C7orf78: variants seen among roughly 807,000 people sequenced by gnomAD.
The protein encoded by C7orf78 is putative uncharacterized protein C7orf78.
the C7orf78 span, among the ~76,000 whole-genome samples, chr7:12,499,235 T>C: frequency 6.6e-6 from 1 of 151,268 alleles, no homozygotes; most frequent in Admixed American, 6.6e-5. Flanking sequence ...CACATAACAC[T>C]ATTAACTTTA....
At chr7:12,522,904 G>A in the C7orf78 span, 1 of 397,286 alleles carries the variant, frequency 2.5e-6, no homozygotes. Context: ...AACTTGTCCT[G>A]GAGAGAAAAT....
the C7orf78 span, among the ~76,000 whole-genome samples, chr7:12,530,075 A>G: frequency 1.7e-4 from 26 of 152,102 alleles, no homozygotes; most frequent in Non-Finnish European, 3.8e-4. Context: ...CCAGTCTTCC[A>G]TCTGGTCTGG....
At chr7:12,493,048 C>G in the C7orf78 span, among the ~76,000 whole-genome samples, 7 of 152,034 alleles carry the variant, frequency 4.6e-5, no homozygotes, top group Non-Finnish European at 1.5e-5. Context: ...ACAAAAAACA[C>G]AAAAACTAGC....
the C7orf78 span, among the ~76,000 whole-genome samples, chr7:12,498,393 G>C: frequency 4.0e-5 from 6 of 151,024 alleles, no homozygotes; most frequent in East Asian, 1.2e-3. Context: ...GCTTAAAGGA[G>C]CTGATGGAGC....
At chr7:12,497,970 G>A in the C7orf78 span, among the ~76,000 whole-genome samples, 4 of 151,910 alleles carry the variant, frequency 2.6e-5, no homozygotes, top group South Asian at 2.1e-4. Context: ...TCCAGCAGGG[G>A]CACACTGACA....
the C7orf78 span, chr7:12,487,013 T>G: frequency 6.6e-6 from 1 of 151,998 alleles, no homozygotes; most frequent in South Asian, 2.1e-4. Context: ...AGTATCCATT[T>G]GTGTATATGG....
the C7orf78 span, among the ~76,000 whole-genome samples, chr7:12,527,724 A>G: frequency 6.8e-6 from 1 of 147,896 alleles, no homozygotes; most frequent in Admixed American, 6.7e-5. Context: ...GAAATGGAAC[A>G]TGTCTACTTT....
the C7orf78 span, among the ~76,000 whole-genome samples, chr7:12,523,979 T>C: frequency 6.6e-6 from 1 of 152,208 alleles, no homozygotes; most frequent in Non-Finnish European, 1.5e-5. Flanking sequence ...AAAATGTGAA[T>C]ATATTCTGTT....
At chr7:12,517,796 A>G in the C7orf78 span, among the ~76,000 whole-genome samples, 1 of 150,612 alleles carries the variant, frequency 6.6e-6, no homozygotes, top group African/African-American at 2.4e-5. Context: ...ATTTTTTCTG[A>G]TTTCTTTGTA....
chr7:12,490,407 T>C, the C7orf78 span, among the ~76,000 whole-genome samples: 2 of 152,172 alleles, frequency 1.3e-5, no homozygotes, highest in African/African-American at 4.8e-5. Context: ...GCACTACTTT[T>C]ATAACTCTGG....
the C7orf78 span, among the ~76,000 whole-genome samples, chr7:12,489,446 C>T: frequency 6.6e-6 from 1 of 152,166 alleles, no homozygotes; most frequent in Non-Finnish European, 1.5e-5. Context: ...TATAGGTCTA[C>T]AGTATTTGAA....
chr7:12,488,731 G>C, the C7orf78 span, among the ~76,000 whole-genome samples: 24 of 152,072 alleles, frequency 1.6e-4, no homozygotes, highest in African/African-American at 5.5e-4. Flanking sequence ...TATAAATTAT[G>C]TATTTATCTA....
At chr7:12,534,998 G>GGAAGGAAGGAAA in the C7orf78 span, among the ~76,000 whole-genome samples, 2 of 150,570 alleles carry the variant, frequency 1.3e-5, no homozygotes, top group Non-Finnish European at 3.0e-5. Context: ...AAGGAAGGAA[G>GGAAGGAAGGAAA]GAAGGAAGGA....
chr7:12,534,973 AGGAG>A, the C7orf78 span, among the ~76,000 whole-genome samples: 5 of 134,962 alleles, frequency 3.7e-5, no homozygotes, highest in Non-Finnish European at 7.8e-5. Context: ...GGAAGAAGGA[AGGAG>A]GGAAGGAAGG....
chr7:12,492,069 G>C, the C7orf78 span: 1 of 152,228 alleles, frequency 6.6e-6, no homozygotes, highest in East Asian at 1.9e-4. Context: ...CTTGGGTTTT[G>C]TATGCTGACT....
chr7:12,532,548 CAAAA>C, the C7orf78 span, among the ~76,000 whole-genome samples: 1 of 136,000 alleles, frequency 7.4e-6, no homozygotes. Context: ...GACTCTGTTT[CAAAA>C]AAAAAAAAAA....
chr7:12,532,316 A>T, the C7orf78 span, among the ~76,000 whole-genome samples: 4 of 152,238 alleles, frequency 2.6e-5, no homozygotes, highest in Non-Finnish European at 4.4e-5. Flanking sequence ...TTGGGAGGTC[A>T]AGGTGGGTGA....
At chr7:12,530,065 C>A in the C7orf78 span, among the ~76,000 whole-genome samples, 302 of 152,094 alleles carry the variant, frequency 2.0e-3, no homozygotes, top group African/African-American at 6.9e-3. Context: ...CCTATTTTAA[C>A]CAGTCTTCCA....
the C7orf78 span, among the ~76,000 whole-genome samples, chr7:12,519,960 A>G: frequency 6.6e-6 from 1 of 152,120 alleles, no homozygotes; most frequent in Non-Finnish European, 1.5e-5. Flanking sequence ...GACCCAGTGC[A>G]TTTTCTATCT....
Sources: allele counts gnomAD v4.1 joint callset (sites outside exome capture counted in the v4.1 genomes callset), GRCh38; gene constraint gnomAD v4.1.1; transcripts MANE v1.5; gene names NCBI Gene and HGNC (gene_info 2026-07-23, HGNC 2026-07-21).